LRRC37A: variants seen among roughly 807,000 people sequenced by gnomAD.
LRRC37A encodes the protein leucine rich repeat containing 37A.
LRRC37A carries 3 observed loss-of-function variants against 35.4 expected under a neutral mutation model. That is an observed-to-expected ratio of 0.08 (90% CI 0.04 to 0.22). The LOEUF is 0.22. Ranked by LOEUF, LRRC37A falls within the 10% of genes least tolerant of loss-of-function variation. LRRC37A has a pLI of 1.00. For missense variants in LRRC37A, 67 were observed against 565.3 expected, an observed-to-expected ratio of 0.12 and a Z score of 8.94; for synonymous variants, 23 against 215.0, an observed-to-expected ratio of 0.11 and a Z score of 7.81.
the LRRC37A span, among the ~76,000 whole-genome samples, chr17:46,279,963 C>T: frequency 6.6e-6 from 1 of 152,238 alleles, no homozygotes; most frequent in Non-Finnish European, 1.5e-5. Flanking sequence ...GGGAGTGCTC[C>T]ATTCTCCTGC....
At chr17:46,291,969 CAA>C (rs59554870), upstream of LRRC37A, among the ~76,000 whole-genome samples, 89 of 58,090 alleles carry the variant, frequency 1.5e-3, no homozygotes, top group South Asian at 0.022. Flanking sequence ...TCTCAAAAAG[CAA>C]AAAAAAAAAA....
chr17:46,282,163 C>T, the LRRC37A span, among the ~76,000 whole-genome samples: 6 of 135,490 alleles, frequency 4.4e-5, no homozygotes, highest in South Asian at 6.5e-4. Flanking sequence ...AGTGCAGTGG[C>T]GCAATCTCGG....
the LRRC37A span, among the ~76,000 whole-genome samples, chr17:46,287,510 G>A: frequency 1.3e-5 from 2 of 152,360 alleles, no homozygotes; most frequent in Non-Finnish European, 2.9e-5. Flanking sequence ...GTCAAAATAT[G>A]CTAAGAAGAA....
At chr17:46,290,517 G>A (rs1431216042), upstream of LRRC37A, among the ~76,000 whole-genome samples, 5 of 152,212 alleles carry the variant, frequency 3.3e-5, no homozygotes, top group African/African-American at 1.2e-4. Context: ...CATGATCTCG[G>A]CTCACTGCAA....
At chr17:46,312,774 C>T (rs2050870182) in intron 5 of LRRC37A, among the ~76,000 whole-genome samples, 1 of 53,024 alleles carries the variant, frequency 1.9e-5, no homozygotes, top group Non-Finnish European at 3.5e-5. Flanking sequence ...CTTAACCAGT[C>T]ATGTAGCACT....
At chr17:46,267,661 C>T in the LRRC37A span, 4 of 1,312,414 alleles carry the variant, frequency 3.0e-6, no homozygotes, top group African/African-American at 3.1e-5. Flanking sequence ...AGGATTTAGA[C>T]GACAGGTATT....
the LRRC37A span, chr17:46,268,398 A>C: frequency 2.2e-6 from 2 of 896,666 alleles, no homozygotes; most frequent in Non-Finnish European, 3.0e-6. Flanking sequence ...CAACTTGTGC[A>C]GCAAGATAGT....
chr17:46,285,900 T>C, the LRRC37A span, among the ~76,000 whole-genome samples: 1 of 152,280 alleles, frequency 6.6e-6, no homozygotes, highest in South Asian at 2.1e-4. Flanking sequence ...GGCTCTCATC[T>C]GTAAGGAACG....
the LRRC37A span, among the ~76,000 whole-genome samples, chr17:46,279,551 G>A: frequency 4.0e-5 from 6 of 149,338 alleles, no homozygotes; most frequent in Admixed American, 1.3e-4. Flanking sequence ...GTCCAGGCTG[G>A]AGTGTAGTTG....
chr17:46,253,180 A>C, the LRRC37A span, among the ~76,000 whole-genome samples: 1 of 130,238 alleles, frequency 7.7e-6, no homozygotes, highest in Admixed American at 7.8e-5. Context: ...CGCTCCTCAC[A>C]TCCCAGACGG....
Position 46,324,877 on chromosome 17 carries a change from T to C in LRRC37A, c.3053+1850T>C, listed in dbSNP as rs1169984133. On this transcript the variant is annotated intron_variant, in intron 7 of 13. Coordinates refer to ENST00000320254, the Ensembl canonical transcript of LRRC37A. ...ATTTATATATATGTACGTGTATATA[T>C]GTATATGTATGCCTGCAGGGCCCTA... 5.3e-5 allele frequency among the ~76,000 whole-genome samples: 4 copies of C among 75,842 alleles called. 2 individuals are homozygous for C. The highest frequency in any genetic ancestry group is 7.8e-5 in the Non-Finnish European group (2 of 25,766). 49.8% of individuals were successfully genotyped at this position (75,842 alleles called of 152,430 possible). A position where few individuals can be genotyped will look rare whatever the true frequency, so the allele number is the denominator to read the frequency against.
At chr17:46,252,377 C>CTT in the LRRC37A span, among the ~76,000 whole-genome samples, 3 of 122,046 alleles carry the variant, frequency 2.5e-5, 1 homozygote, top group Non-Finnish European at 3.8e-5. Flanking sequence ...CATTTTCTTT[C>CTT]TTTTTTTTTT....
At chr17:46,250,833 TCTC>T in the LRRC37A span, among the ~76,000 whole-genome samples, 1 of 152,286 alleles carries the variant, frequency 6.6e-6, no homozygotes, top group South Asian at 2.1e-4. Flanking sequence ...GTCTTCTTCT[TCTC>T]CTTCTCCTTG....
At chr17:46,280,591 C>A in the LRRC37A span, among the ~76,000 whole-genome samples, 1 of 27,480 alleles carries the variant, frequency 3.6e-5, no homozygotes. Context: ...TTTTTTTTTC[C>A]TGAGCAGAGT....
chr17:46,280,258 G>A, the LRRC37A span, among the ~76,000 whole-genome samples: 2 of 152,178 alleles, frequency 1.3e-5, no homozygotes, highest in African/African-American at 4.8e-5. Flanking sequence ...CAGCTACTTG[G>A]GAGGCTGAGG....
the LRRC37A span, chr17:46,267,412 A>T: frequency 2.5e-4 from 404 of 1,611,842 alleles, 3 homozygotes; most frequent in African/African-American, 5.0e-3. Flanking sequence ...GCTGTACAAG[A>T]TGAACCGCCT....
At chr17:46,276,960 T>C in the LRRC37A span, among the ~76,000 whole-genome samples, 1 of 149,966 alleles carries the variant, frequency 6.7e-6, no homozygotes, top group East Asian at 1.9e-4. Context: ...CGTGCCACCA[T>C]GCTCAGCTAA....
At chr17:46,278,315 G>A in the LRRC37A span, among the ~76,000 whole-genome samples, 1 of 152,102 alleles carries the variant, frequency 6.6e-6, no homozygotes, top group East Asian at 1.9e-4. Context: ...TGGCAAATGA[G>A]AGCCAAGCTC....
chr17:46,292,945 CTTTTTTTTTTTT>C (rs57946759), upstream of LRRC37A: 5 of 8,654 alleles, frequency 5.8e-4, 1 homozygote, highest in Non-Finnish European at 1.3e-3. Flanking sequence ...CCATTTTTAT[CTTTTTTTTTTTT>C]TTTTTTTTTT....
Sources: gnomAD v4.1 joint callset for allele counts (sites outside exome capture counted in the v4.1 genomes callset) on GRCh38, gnomAD v4.1.1 for gene constraint, MANE v1.5 for transcripts, NCBI Gene and HGNC (gene_info 2026-07-23, HGNC 2026-07-21) for gene names.